KLF12: variants seen among roughly 807,000 people sequenced by gnomAD.
KLF12 encodes KLF transcription factor 12.
KLF12 carries 9 observed loss-of-function variants against 37.8 expected under a neutral mutation model. That is an observed-to-expected ratio of 0.24 (90% confidence interval 0.14 to 0.42). The LOEUF is 0.42. Ranked by LOEUF, KLF12 falls within the 10% of genes least tolerant of loss-of-function variation. The pLI, the probability that KLF12 is intolerant of heterozygous loss-of-function variation, is 1.00. For missense variants in KLF12, 411 were observed against 516.0 expected (o/e 0.80, Z 1.97); for synonymous variants, 208 against 202.1 (o/e 1.03, Z -0.25).
At chr13:74,251,663 C>T in the KLF12 span, among the ~76,000 whole-genome samples, 3 of 152,102 alleles carry the variant, frequency 2.0e-5, no homozygotes, top group Non-Finnish European at 4.4e-5. Context: ...AGATTTGGCT[C>T]CCCAGTTGGC....
the KLF12 span, among the ~76,000 whole-genome samples, chr13:74,219,088 C>G: frequency 6.6e-6 from 1 of 151,944 alleles, no homozygotes; most frequent in East Asian, 1.9e-4. Context: ...TCCCAAGTAG[C>G]TGGGACTACA....
chr13:73,833,617 C>T (rs1314461419), intron 4 of KLF12, among the ~76,000 whole-genome samples: 2 of 151,972 alleles, frequency 1.3e-5, no homozygotes, highest in Non-Finnish European at 2.9e-5. Flanking sequence ...ATATGAATTG[C>T]CTTACAATTT....
At chr13:74,303,540 A>G in the KLF12 span, among the ~76,000 whole-genome samples, 1 of 152,190 alleles carries the variant, frequency 6.6e-6, no homozygotes, top group African/African-American at 2.4e-5. Flanking sequence ...ATTTCTGTTT[A>G]TAAAAGATGC....
At chr13:74,004,743 A>G (rs1892367371) in intron 1 of KLF12, among the ~76,000 whole-genome samples, 2 of 152,224 alleles carry the variant, frequency 1.3e-5, no homozygotes. Flanking sequence ...CGTGCCCAAT[A>G]TTACAATAAA....
chr13:73,787,610 T>A lies in KLF12; in HGVS notation c.807-22610A>T, dbSNP rs533974735. Reference sequence around the variant, plus strand: ...GCTTGTGGAAACCAAGCAAATAAACTGCAATTTAGAGAAACTAAGTAACTT... The same window carrying A: ...GCTTGTGGAAACCAAGCAAATAAACAGCAATTTAGAGAAACTAAGTAACTT... On this transcript the variant is annotated intron_variant, in intron 5 of 7. Transcript: ENST00000377669. Among the ~76,000 whole-genome samples, 4 of 152,248 alleles carry A rather than the reference T, an allele frequency of 2.6e-5. No homozygotes were observed. In the South Asian group the frequency reaches 8.3e-4, roughly 32 times the overall value.
chr13:73,747,887 CA>C (rs752521957), intron 6 of KLF12, among the ~76,000 whole-genome samples: 3 of 152,112 alleles, frequency 2.0e-5, no homozygotes, highest in Non-Finnish European at 4.4e-5. Context: ...AACTGTTTTT[CA>C]AGACATGTCA....
chr13:73,707,504 G>A (rs933616414), intron 7 of KLF12, among the ~76,000 whole-genome samples: 6 of 152,208 alleles, frequency 3.9e-5, no homozygotes, highest in Middle Eastern at 3.4e-3. Flanking sequence ...AACAACTTAC[G>A]GGGAGAGGAT....
chr13:74,060,861 G>T (rs1873554451), intron 1 of KLF12, among the ~76,000 whole-genome samples: 1 of 152,100 alleles, frequency 6.6e-6, no homozygotes, highest in Non-Finnish European at 1.5e-5. Flanking sequence ...CTATTCACAG[G>T]TTTTAACTTC....
At chr13:73,743,732 G>A (rs567455933) in intron 6 of KLF12, among the ~76,000 whole-genome samples, 68 of 152,280 alleles carry the variant, frequency 4.5e-4, no homozygotes, top group Middle Eastern at 3.4e-3. Context: ...TTTTAACTCC[G>A]CTTTGGTATC....
At chr13:74,215,994 G>A in the KLF12 span, among the ~76,000 whole-genome samples, 1 of 152,184 alleles carries the variant, frequency 6.6e-6, no homozygotes, top group African/African-American at 2.4e-5. Flanking sequence ...AATATGGAGT[G>A]CAACATACAT....
chr13:73,852,538 T>C (rs1158960952), intron 3 of KLF12, among the ~76,000 whole-genome samples: 2 of 152,092 alleles, frequency 1.3e-5, no homozygotes, highest in African/African-American at 4.8e-5. Context: ...TCCCAACATT[T>C]TGGGAGGCTG....
intron 1 of KLF12, among the ~76,000 whole-genome samples, chr13:74,051,314 TGTG>T (rs1872905464): frequency 7.0e-6 from 1 of 143,704 alleles, no homozygotes. Flanking sequence ...ATAAAGAAAA[TGTG>T]GTGTGTGTAT....
chr13:74,180,407 C>A, the KLF12 span, among the ~76,000 whole-genome samples: 38 of 152,186 alleles, frequency 2.5e-4, no homozygotes, highest in African/African-American at 7.2e-4. Context: ...AAATTACTGT[C>A]TTTGCCAATG....
the KLF12 span, among the ~76,000 whole-genome samples, chr13:74,242,239 G>A: frequency 1.8e-3 from 273 of 152,284 alleles, 1 homozygote; most frequent in African/African-American, 6.4e-3. Context: ...TCTTTGACAT[G>A]TGTATTAGTC....
intron 1 of KLF12, among the ~76,000 whole-genome samples, chr13:74,004,024 G>C (rs551967349): frequency 4.9e-4 from 74 of 152,036 alleles, no homozygotes; most frequent in African/African-American, 1.7e-3. Flanking sequence ...CAGGTTAAGG[G>C]CTCACACGTA....
intron 1 of KLF12, among the ~76,000 whole-genome samples, chr13:74,084,410 C>T (rs1486399784): frequency 2.6e-5 from 4 of 152,164 alleles, no homozygotes; most frequent in South Asian, 2.1e-4. Context: ...GTTGTCTCTG[C>T]CCCAAACACC....
chr13:73,760,109 C>A (rs1015454347), intron 6 of KLF12, among the ~76,000 whole-genome samples: 1 of 152,040 alleles, frequency 6.6e-6, no homozygotes, highest in Non-Finnish European at 1.5e-5. Context: ...TGACACAGAA[C>A]TTTTTCACAC....
chr13:73,713,746 T>A (rs1267961096), intron 7 of KLF12, among the ~76,000 whole-genome samples: 1 of 152,230 alleles, frequency 6.6e-6, no homozygotes, highest in Non-Finnish European at 1.5e-5. Flanking sequence ...TGGAGTTAAA[T>A]CCTTTAATAG....
At chr13:73,765,318 G>A (rs964209590) in intron 5 of KLF12, among the ~76,000 whole-genome samples, 12 of 152,170 alleles carry the variant, frequency 7.9e-5, no homozygotes, top group African/African-American at 2.9e-4. Context: ...TACAAGGGTG[G>A]GTAAAAGTTA....
Sources: allele counts gnomAD v4.1 joint callset (sites outside exome capture counted in the v4.1 genomes callset), GRCh38; gene constraint gnomAD v4.1.1; transcripts MANE v1.5; gene names NCBI Gene and HGNC (gene_info 2026-07-23, HGNC 2026-07-21).